Variants in DLGAP2 observed in about 807,000 individuals in gnomAD.
DLGAP2 encodes the protein disks large-associated protein 2.
DLGAP2 carries 26 observed loss-of-function variants against 100.3 expected under a neutral mutation model. That is an observed-to-expected ratio of 0.26 (90% confidence interval 0.19 to 0.36). The LOEUF (loss-of-function observed/expected upper bound fraction) is 0.36. Among genes scored for constraint, DLGAP2 ranks in the 10% least tolerant of loss-of-function variants. DLGAP2 has a pLI of 1.00. For missense variants in DLGAP2, 1,858 were observed against 1,453.2 expected (o/e 1.28, Z -4.53); for synonymous variants, 886 against 630.1 (o/e 1.41, Z -6.08).
rs370231270 is a variant in DLGAP2, at chr8:1,098,070, G to GT, written c.74-160780dup. Among the ~76,000 whole-genome samples, 1,045 of 152,342 alleles carry GT rather than the reference G, an allele frequency of 6.9e-3. 9 individuals are homozygous for GT. The highest frequency in any genetic ancestry group is 0.023 in the African/African-American group (971 of 41,578). ...GTTTTGATCTGAAGAGAAAACTGCC[G>GT]TGAGTTATATTTCCTTGCAACGCAA... On this transcript the variant is annotated intron_variant, in intron 2 of 14. Transcript: ENST00000637795.
intron 3 of DLGAP2, among the ~76,000 whole-genome samples, chr8:1,431,656 T>TG (rs11381258): frequency 0.21 from 32,326 of 152,196 alleles, 3,847 homozygotes; most frequent in Middle Eastern, 0.29. Flanking sequence ...GACCGGGGCT[T>TG]GTCCTTCCAG....
intron 2 of DLGAP2, among the ~76,000 whole-genome samples, chr8:1,218,966 C>G (rs376875360): frequency 6.6e-6 from 1 of 152,134 alleles, no homozygotes; most frequent in South Asian, 2.1e-4. Context: ...AATTTTTGTA[C>G]ACTGAGTTTA....
chr8:1,383,526 C>T (rs955040997), intron 3 of DLGAP2, among the ~76,000 whole-genome samples: 2 of 152,174 alleles, frequency 1.3e-5, no homozygotes, highest in Non-Finnish European at 2.9e-5. Flanking sequence ...TTTAGGGACA[C>T]ACAGTTGGCG....
intron 3 of DLGAP2, among the ~76,000 whole-genome samples, chr8:1,385,975 A>C (rs528415444): frequency 3.7e-4 from 56 of 152,398 alleles, no homozygotes; most frequent in Non-Finnish European, 7.6e-4. Context: ...GGAATCAATG[A>C]GATCTGAAGA....
At chr8:908,500 G>A (rs1798423581) in intron 2 of DLGAP2, among the ~76,000 whole-genome samples, 1 of 152,180 alleles carries the variant, frequency 6.6e-6, no homozygotes, top group African/African-American at 2.4e-5. Flanking sequence ...CTCATGGCAG[G>A]ATGGGCGTGT....
Position 1,541,969 on chromosome 8 carries a change from A to G in DLGAP2, c.173-6657A>G, listed in dbSNP as rs3885006. Among the ~76,000 whole-genome samples, 180 of 152,348 alleles carry G rather than the reference A, an allele frequency of 1.2e-3. 1 individual carries two copies. The South Asian group carries it at 0.012, about 10-fold the overall frequency. On this transcript the variant is annotated intron_variant, in intron 4 of 14. Coordinates refer to ENST00000637795, the MANE Select transcript of DLGAP2 (RefSeq NM_001346810.2). ...GTATATGACTGTCACAGGACCTTTG[A>G]TTATTGATTTAAGAGCCTCAGATGT...
chr8:807,737 C>T (rs1364124723), intron 1 of DLGAP2, among the ~76,000 whole-genome samples: 3 of 152,180 alleles, frequency 2.0e-5, no homozygotes, highest in Non-Finnish European at 2.9e-5. Flanking sequence ...GTGTGTTTTT[C>T]CATAACTAAA....
At chr8:1,233,723 T>C (rs1386439164) in intron 2 of DLGAP2, among the ~76,000 whole-genome samples, 1 of 152,172 alleles carries the variant, frequency 6.6e-6, no homozygotes, top group Admixed American at 6.5e-5. Flanking sequence ...GTTGACTTTC[T>C]GGGAAACACG....
chr8:1,189,636 A>G (rs1797591068), intron 2 of DLGAP2, among the ~76,000 whole-genome samples: 1 of 152,224 alleles, frequency 6.6e-6, no homozygotes, highest in African/African-American at 2.4e-5. Flanking sequence ...TTGACGTGTG[A>G]CATCCCCATG....
intron 1 of DLGAP2, chr8:738,064 CG>C: frequency 7.6e-6 from 2 of 263,470 alleles, no homozygotes; most frequent in Non-Finnish European, 1.4e-5. Context: ...TGGCCGCGCT[CG>C]GGGGTGCCGG....
At position 1,484,495 on chromosome 8, in the gene DLGAP2, G is replaced by T. The variant is rs575411123; in HGVS notation, c.107-16871G>T. Among the ~76,000 whole-genome samples the T allele has an allele frequency of 5.3e-5, 8 of 152,238 alleles. No individual in the cohort carries two copies. In the East Asian group the frequency reaches 1.5e-3, roughly 29 times the overall value. Reference sequence around the variant, plus strand: ...CCAGAGCGGTGCCCGCCGACCCAGGGTCCTCCATGGTCTGTGATGTTTTGA... The same window carrying T: ...CCAGAGCGGTGCCCGCCGACCCAGGTTCCTCCATGGTCTGTGATGTTTTGA... On this transcript the variant is annotated intron_variant, in intron 3 of 14. Coordinates refer to ENST00000637795, the MANE Select transcript of DLGAP2 (RefSeq NM_001346810.2).
chr8:1,608,046 A>C (rs1796870041), intron 6 of DLGAP2, among the ~76,000 whole-genome samples: 2 of 91,040 alleles, frequency 2.2e-5, no homozygotes, highest in African/African-American at 8.5e-5. Context: ...CCACAGCTCA[A>C]GGAGGCCTGC....
At chr8:998,905 T>C (rs1800862645) in intron 2 of DLGAP2, among the ~76,000 whole-genome samples, 1 of 152,170 alleles carries the variant, frequency 6.6e-6, no homozygotes, top group Non-Finnish European at 1.5e-5. Flanking sequence ...GGTTTCTGTT[T>C]CCTGCATTGT....
At chr8:1,110,359 C>G (rs1252668239) in intron 2 of DLGAP2, among the ~76,000 whole-genome samples, 1 of 135,710 alleles carries the variant, frequency 7.4e-6, no homozygotes, top group Non-Finnish European at 1.5e-5. Flanking sequence ...GGGTCTGGGT[C>G]TGTGATGTGT....
intron 6 of DLGAP2, among the ~76,000 whole-genome samples, chr8:1,614,136 G>T (rs1190878895): frequency 2.0e-5 from 3 of 152,120 alleles, no homozygotes; most frequent in Non-Finnish European, 4.4e-5. Context: ...TAGCCCAGGG[G>T]ACATGGTGGA....
chr8:1,246,618 G>A (rs1181610030), intron 2 of DLGAP2, among the ~76,000 whole-genome samples: 1 of 152,226 alleles, frequency 6.6e-6, no homozygotes, highest in Non-Finnish European at 1.5e-5. Context: ...TACCACCCAA[G>A]TTTAGTGAAG....
At chr8:1,294,516 T>G (rs1800127511) in intron 3 of DLGAP2, among the ~76,000 whole-genome samples, 1 of 152,208 alleles carries the variant, frequency 6.6e-6, no homozygotes, top group Non-Finnish European at 1.5e-5. Flanking sequence ...TGCATTTCTC[T>G]CCTGCGATTT....
At chr8:1,640,640 C>T (rs758053175) in intron 8 of DLGAP2, among the ~76,000 whole-genome samples, 6 of 152,230 alleles carry the variant, frequency 3.9e-5, no homozygotes, top group East Asian at 1.9e-4. Flanking sequence ...ATCATGAAGA[C>T]GCCATCCCTG....
intron 3 of DLGAP2, among the ~76,000 whole-genome samples, chr8:1,296,669 A>G (rs1373457185): frequency 6.6e-6 from 1 of 152,370 alleles, no homozygotes; most frequent in Admixed American, 6.5e-5. Context: ...TCCTGGGAAC[A>G]GAGAACACAG....
Sources: allele counts gnomAD v4.1 joint callset (sites outside exome capture counted in the v4.1 genomes callset), GRCh38; gene constraint gnomAD v4.1.1; transcripts MANE v1.5; gene names NCBI Gene and HGNC (gene_info 2026-07-23, HGNC 2026-07-21).